FARP2: variants seen among roughly 807,000 people sequenced by gnomAD.
FARP2 encodes FERM, ARHGEF and pleckstrin domain-containing protein 2.
Under a neutral mutation model 130.5 loss-of-function variants are expected in FARP2, and 111 were observed. The ratio of observed to expected loss-of-function variants is 0.85; its 90% confidence interval spans 0.73 to 1.00. FARP2 has a LOEUF of 1.00. Ranked by LOEUF, FARP2 falls within the 50% of genes least tolerant of loss-of-function variation. FARP2 has a pLI of 0.00. For synonymous variants in FARP2, 504 were observed against 516.9 expected (o/e 0.98, Z 0.34); for missense variants, 1,385 against 1,346.3 (o/e 1.03, Z -0.45).
At chr2:241,479,479 T>A (rs2064560217) in intron 19 of FARP2, among the ~76,000 whole-genome samples, 1 of 152,198 alleles carries the variant, frequency 6.6e-6, no homozygotes, top group African/African-American at 2.4e-5. Context: ...CTCACAGAGC[T>A]CCTGACAAAG....
At chr2:241,378,995 A>G (rs886751309) in intron 2 of FARP2, among the ~76,000 whole-genome samples, 5 of 152,236 alleles carry the variant, frequency 3.3e-5, no homozygotes, top group Non-Finnish European at 5.9e-5. Flanking sequence ...TTTTAAAACC[A>G]TCTGAAAGTT....
intron 14 of FARP2, among the ~76,000 whole-genome samples, chr2:241,460,814 G>A (rs1016796405): frequency 6.6e-6 from 1 of 152,222 alleles, no homozygotes; most frequent in Non-Finnish European, 1.5e-5. Context: ...TGGGAGCCAG[G>A]CAGGCTGCCA....
chr2:241,489,865 C>A, intron 21 of FARP2, 97 bp from the exon 22 acceptor site: 1 of 790,512 alleles, frequency 1.3e-6, no homozygotes. Context: ...TTCCAAGCCC[C>A]ACCTAGCATT....
At chr2:241,447,664 C>T (rs2063542801) in intron 13 of FARP2, among the ~76,000 whole-genome samples, 1 of 152,158 alleles carries the variant, frequency 6.6e-6, no homozygotes, top group African/African-American at 2.4e-5. Flanking sequence ...AGTGCAACAG[C>T]TCTGCAGGTT....
chr2:241,377,333 CTTT>C (rs1258121395), intron 2 of FARP2, among the ~76,000 whole-genome samples: 79 of 129,684 alleles, frequency 6.1e-4, no homozygotes, highest in Non-Finnish European at 1.0e-3. Flanking sequence ...TTGTTGGTTT[CTTT>C]TTTTTTTTTT....
intron 2 of FARP2, chr2:241,395,912 C>A (rs190225620): frequency 1.8e-4 from 27 of 152,216 alleles, no homozygotes; most frequent in African/African-American, 6.3e-4. Flanking sequence ...GTGTGGTGAT[C>A]TAATTATTGA....
intron 17 of FARP2, 83 bp from the exon 18 acceptor site, chr2:241,468,057 C>T: frequency 1.0e-6 from 1 of 956,604 alleles, no homozygotes. Flanking sequence ...CCAGCCGGCA[C>T]CTGCCATCAA....
At chr2:241,419,461 A>G (rs1325533696) in intron 8 of FARP2, among the ~76,000 whole-genome samples, 1 of 152,256 alleles carries the variant, frequency 6.6e-6, no homozygotes, top group African/African-American at 2.4e-5. Context: ...GTTTGAAGAT[A>G]GCAGACTGAA....
intron 1 of FARP2, among the ~76,000 whole-genome samples, chr2:241,368,174 A>C (rs944502953): frequency 6.6e-6 from 1 of 152,110 alleles, no homozygotes; most frequent in African/African-American, 2.4e-5. Flanking sequence ...AGTTTGTAGT[A>C]GGCAGGACCA....
intron 2 of FARP2, among the ~76,000 whole-genome samples, chr2:241,390,976 A>G (rs1341593746): frequency 2.0e-5 from 3 of 152,234 alleles, no homozygotes; most frequent in African/African-American, 7.2e-5. Flanking sequence ...TCTGAAAATG[A>G]CAGCCACCTG....
chr2:241,484,116 G>T, intron 20 of FARP2, 126 bp from the exon 21 acceptor site: 1 of 1,468,396 alleles, frequency 6.8e-7, no homozygotes, highest in South Asian at 1.4e-5. Context: ...TCCCCTTTCT[G>T]CCAAAAATCT....
In FARP2 at chr2:241,493,025, A is replaced by G. The variant is rs1009145780; in HGVS notation, c.2884A>G (p.Lys962Glu). ...VFTNFCLFFYKTHQDDYPLAS... is the reference protein window; with the variant it reads ...VFTNFCLFFYETHQDDYPLAS... ...TACCAACTTCTGTTTGTTCTTCTAC[A>G]AAACTCATCAGGTACTGGAGTTTCA... The change falls in exon 25 of 27, where the codon AAA becomes GAA. Residue 962 changes from lysine to glutamate, a missense_variant. Coordinates refer to ENST00000264042, the MANE Select transcript of FARP2 (RefSeq NM_014808.4). 7.6e-6 allele frequency: 12 copies of G among 1,586,860 alleles called. No homozygotes were observed. Among genetic ancestry groups the G allele is most frequent in the Admixed American group, 3.3e-5 (2 of 59,978 alleles).
chr2:241,468,077 G>A lies in FARP2; in HGVS notation c.1894-63G>A, dbSNP rs1042632044. ...CGGCACCTGCCATCAAGGAAAACAG[G>A]CCAGTCTCCCCCTGGACTCCTACAT... On this transcript the variant is annotated intron_variant, in intron 17 of 26. Coordinates refer to ENST00000264042, the MANE Select transcript of FARP2 (RefSeq NM_014808.4). 6 of 1,116,890 alleles carry A rather than the reference G, an allele frequency of 5.4e-6. No homozygotes were observed. In the Admixed American group the frequency reaches 1.0e-4, roughly 19 times the overall value. The allele number at this position is 1,116,890 out of a possible 1,614,324, so 69.2% of individuals were successfully genotyped here.
Position 241,463,361 on chromosome 2 carries a change from G to A in FARP2, c.1704G>A (p.Glu568=). Residue 568 remains glutamate, a synonymous_variant, in exon 16 of 27, where the codon GAG becomes GAA. Coordinates refer to ENST00000264042, the MANE Select transcript of FARP2 (RefSeq NM_014808.4). Reference sequence around the variant, plus strand: ...GGTTCCGCAGCGCAGTGGTGAAGGAGGACGCCATGCCTGCGACTCTGATGA... The same window carrying A: ...GGTTCCGCAGCGCAGTGGTGAAGGAAGACGCCATGCCTGCGACTCTGATGA... ...TVWFRSAVVK[E]DAMPATLMTL... 1 of 1,614,110 alleles carries A rather than the reference G, an allele frequency of 6.2e-7. No homozygotes were observed. Among genetic ancestry groups the A allele is most frequent in the Non-Finnish European group, 8.5e-7 (1 of 1,180,020 alleles).
intron 2 of FARP2, among the ~76,000 whole-genome samples, chr2:241,392,804 G>T (rs1255985264): frequency 6.6e-6 from 1 of 151,994 alleles, no homozygotes; most frequent in Middle Eastern, 3.4e-3. Context: ...TTATCTGGGT[G>T]TGGTGATGTA....
intron 1 of FARP2, among the ~76,000 whole-genome samples, chr2:241,370,147 AT>A (rs2061394713): frequency 6.6e-6 from 1 of 152,328 alleles, no homozygotes. Flanking sequence ...TTAATACCTT[AT>A]TGTATATTTC....
At chr2:241,362,373 G>T (rs1408238121) in intron 1 of FARP2, among the ~76,000 whole-genome samples, 1 of 152,054 alleles carries the variant, frequency 6.6e-6, no homozygotes, top group East Asian at 1.9e-4. Flanking sequence ...GGAGGCTGAG[G>T]TGGGCAGATC....
chr2:241,490,986 G>A lies in FARP2; in HGVS notation c.2505-75G>A. The stretch of plus-strand genomic sequence containing the variant: ...ATGTGAGAGAACAGGTGCCCTGACG[G>A]CTCGCCCTCCCTTGAGGGCTGGGGC... On this transcript the variant is annotated intron_variant, in intron 22 of 26. Coordinates refer to ENST00000264042, the MANE Select transcript of FARP2 (RefSeq NM_014808.4). The A allele has an allele frequency of 8.8e-6, 10 of 1,134,640 alleles. 1 individual carries two copies. In the South Asian group the frequency reaches 1.0e-4, roughly 11 times the overall value. The allele number at this position is 1,134,640 out of a possible 1,614,324, so 70.3% of individuals were successfully genotyped here. A position where few individuals can be genotyped will look rare whatever the true frequency, so the allele number is the denominator to read the frequency against.
intron 8 of FARP2, among the ~76,000 whole-genome samples, chr2:241,418,571 A>C (rs1369591124): frequency 6.6e-6 from 1 of 152,170 alleles, no homozygotes; most frequent in South Asian, 2.1e-4. Flanking sequence ...TCAGTAAACA[A>C]ACTAGAATAG....
Sources: gnomAD v4.1 joint callset for allele counts (sites outside exome capture counted in the v4.1 genomes callset) on GRCh38, gnomAD v4.1.1 for gene constraint, MANE v1.5 for transcripts, NCBI Gene and HGNC (gene_info 2026-07-23, HGNC 2026-07-21) for gene names.